The following PAH variants were observed in gnomAD, a reference collection of about 807,000 sequenced individuals.
PAH encodes phenylalanine hydroxylase, also known as phenylalanine-4-hydroxylase.
Under a neutral mutation model 62.0 loss-of-function variants are expected in PAH, and 64 were observed. That is an observed-to-expected ratio of 1.03 (90% confidence interval 0.84 to 1.27). The LOEUF is 1.27. Ranked by LOEUF, PAH falls within the 50% of genes most tolerant of loss-of-function variation. The pLI, the probability that PAH is intolerant of heterozygous loss-of-function variation, is 0.00. For missense variants in PAH, 579 were observed against 542.8 expected (o/e 1.07, Z -0.66); for synonymous variants, 195 against 196.2 (o/e 0.99, Z 0.05).
intron 1 of PAH, among the ~76,000 whole-genome samples, chr12:102,926,003 T>C (rs1878671891): frequency 6.6e-6 from 1 of 152,118 alleles, no homozygotes; most frequent in East Asian, 1.9e-4. Context: ...TGAGGTGCTG[T>C]CATTCATGCA....
chr12:102,956,964 C>A (rs1305051472), intron 1 of PAH, among the ~76,000 whole-genome samples: 4 of 152,172 alleles, frequency 2.6e-5, no homozygotes, highest in Non-Finnish European at 2.9e-5. Context: ...GATGCCACTT[C>A]GAGGAGCCAC....
intron 9 of PAH, among the ~76,000 whole-genome samples, chr12:102,846,113 G>A (rs899334716): frequency 2.6e-5 from 4 of 152,048 alleles, no homozygotes; most frequent in Admixed American, 6.6e-5. Context: ...GGCAAGATAT[G>A]AGCTATTGCA....
Position 102,957,729 on chromosome 12 carries a change from C to G in PAH, c.-96+466G>C, listed in dbSNP as rs575016288. The G allele has an allele frequency of 6.5e-6, 1 of 152,738 alleles. No homozygotes were observed. The highest frequency in any genetic ancestry group is 2.4e-5 in the African/African-American group (1 of 41,532). The allele number at this position is 152,738 out of a possible 1,614,324, so 9.5% of individuals were successfully genotyped here. On this transcript the variant is annotated intron_variant, in intron 1 of 4. Coordinates refer to the PAH transcript ENST00000551337. The surrounding 1 kb of genome is among the most constrained non-coding windows in gnomAD (Gnocchi z 4.1). ...GGAAGGCGCACCGACAGGGATCCGG[C>G]CAGGGAGGGCGAGTGAAAGAAGGAA...
intron 1 of PAH, chr12:102,915,126 T>C (rs980361660): frequency 2.0e-5 from 3 of 152,188 alleles, no homozygotes; most frequent in Admixed American, 6.5e-5. Flanking sequence ...AGCTCCTCAT[T>C]AGAGTATTCA....
At chr12:102,886,702 C>T (rs960721077) in intron 3 of PAH, among the ~76,000 whole-genome samples, 1 of 152,150 alleles carries the variant, frequency 6.6e-6, no homozygotes, top group Non-Finnish European at 1.5e-5. Context: ...CACGCCTGGG[C>T]TCAGTGCCTT....
intron 5 of PAH, among the ~76,000 whole-genome samples, chr12:102,858,365 A>G (rs1328643862): frequency 6.6e-6 from 1 of 152,236 alleles, no homozygotes; most frequent in Non-Finnish European, 1.5e-5. Flanking sequence ...AGACTCCCAC[A>G]CAATAGTAAT....
intron 2 of PAH, among the ~76,000 whole-genome samples, chr12:102,908,528 C>T (rs1248289413): frequency 6.6e-6 from 1 of 152,192 alleles, no homozygotes; most frequent in African/African-American, 2.4e-5. Flanking sequence ...CTTGCTCTCA[C>T]TCAGACATAC....
intron 5 of PAH, among the ~76,000 whole-genome samples, chr12:102,859,925 G>C (rs1055218645): frequency 1.3e-5 from 2 of 152,194 alleles, no homozygotes; most frequent in African/African-American, 4.8e-5. Flanking sequence ...GCACAAGACA[G>C]GGATGCCCTC....
chr12:102,888,113 A>G (rs1156567682), intron 3 of PAH, among the ~76,000 whole-genome samples: 2 of 151,900 alleles, frequency 1.3e-5, no homozygotes, highest in African/African-American at 2.4e-5. Flanking sequence ...CTTATGAGAG[A>G]CTTAAGGGTA....
At chr12:102,843,582 A>G in intron 11 of PAH, 64 bp downstream of exon 11, 1 of 1,583,954 alleles carries the variant, frequency 6.3e-7, no homozygotes, top group Non-Finnish European at 8.7e-7. Flanking sequence ...CCAACCACCC[A>G]CAGATGAGTG....
In PAH at chr12:102,957,555, G is replaced by T. The variant is rs1041277606; in HGVS notation, c.-96+640C>A. 1 of 150,450 alleles carries T rather than the reference G, an allele frequency of 6.6e-6. No individual in the cohort carries two copies. Among genetic ancestry groups the T allele is most frequent in the African/African-American group, 2.4e-5 (1 of 40,928 alleles). The allele number at this position is 150,450 out of a possible 1,614,324, so 9.3% of individuals were successfully genotyped here. A position where few individuals can be genotyped will look rare whatever the true frequency, so the allele number is the denominator to read the frequency against. On this transcript the variant is annotated intron_variant, in intron 1 of 4. Coordinates refer to the PAH transcript ENST00000551337. The surrounding 1 kb of genome is among the most constrained non-coding windows in gnomAD (Gnocchi z 4.1). ...GGTGGGAGGAAGAGGTAAGAGGAGG[G>T]GGGGGAGTGGGGGCTGCAGCCGCTC...
intron 12 of PAH, 28 bp from the exon 13 acceptor site, chr12:102,839,246 G>A: frequency 1.2e-6 from 2 of 1,611,438 alleles, no homozygotes; most frequent in South Asian, 2.2e-5. Flanking sequence ...ATCAAAATGG[G>A]CCACTTGTAT....
chr12:102,911,893 A>G (rs1213287025), intron 2 of PAH, among the ~76,000 whole-genome samples: 1 of 152,240 alleles, frequency 6.6e-6, no homozygotes, highest in South Asian at 2.1e-4. Context: ...CAGGAATCTT[A>G]GCATAAAGCA....
At chr12:102,862,640 C>T (rs1331825687) in intron 5 of PAH, among the ~76,000 whole-genome samples, 1 of 152,140 alleles carries the variant, frequency 6.6e-6, no homozygotes, top group African/African-American at 2.4e-5. Context: ...CAGATGTAAA[C>T]CAAATAAAGC....
chr12:102,906,337 G>A (rs892079190), intron 2 of PAH, among the ~76,000 whole-genome samples: 15 of 151,982 alleles, frequency 9.9e-5, no homozygotes, highest in African/African-American at 2.9e-4. Flanking sequence ...CATATCCTAC[G>A]ACCAGATTCC....
intron 2 of PAH, among the ~76,000 whole-genome samples, chr12:102,908,866 A>T (rs36013270): frequency 7.4e-6 from 1 of 134,694 alleles, no homozygotes; most frequent in African/African-American, 2.9e-5. Context: ...TTTGAGACAG[A>T]GTTTCACTCT....
At chr12:102,887,887 G>A (rs1365002015) in intron 3 of PAH, among the ~76,000 whole-genome samples, 1 of 152,180 alleles carries the variant, frequency 6.6e-6, no homozygotes, top group African/African-American at 2.4e-5. Context: ...TGATGGCAAA[G>A]TGATATTTAG....
intron 4 of PAH, among the ~76,000 whole-genome samples, chr12:102,870,904 T>C (rs1013449871): frequency 2.0e-5 from 3 of 152,192 alleles, no homozygotes; most frequent in Admixed American, 6.5e-5. Context: ...GAAAAATGTA[T>C]GTACCTAGTT....
intron 8 of PAH, among the ~76,000 whole-genome samples, chr12:102,850,785 C>T (rs951698047): frequency 3.3e-5 from 5 of 152,156 alleles, no homozygotes; most frequent in African/African-American, 9.7e-5. Context: ...TTATTTTACT[C>T]AGCCCAAAAC....
Sources: gnomAD v4.1 joint callset for allele counts (sites outside exome capture counted in the v4.1 genomes callset) on GRCh38, gnomAD v4.1.1 for gene constraint, Gnocchi (gnomAD v3.1) non-coding constraint, MANE v1.5 for transcripts, NCBI Gene and HGNC (gene_info 2026-07-23, HGNC 2026-07-21) for gene names.